The following ABCG1 variants were observed in gnomAD, a reference collection of about 807,000 sequenced individuals.
ABCG1 encodes ATP binding cassette subfamily G member 1, also known as ATP-binding cassette sub-family G member 1.
In ABCG1, 29 loss-of-function variants were observed where a neutral mutation model predicts 69.2. The observed-to-expected ratio is 0.42, with a 90% CI of 0.31 to 0.57. ABCG1 has a LOEUF of 0.57. ABCG1 is among the 20% of genes least tolerant of loss of function. ABCG1 has a pLI of 0.15. For synonymous variants in ABCG1, 370 were observed against 374.8 expected, an observed-to-expected ratio of 0.99 and a Z score of 0.15; for missense variants, 718 against 898.1, an observed-to-expected ratio of 0.80 and a Z score of 2.56.
intron 6 of ABCG1, 138 bp downstream of exon 6, chr21:42,282,557 T>C: frequency 2.0e-6 from 2 of 1,020,642 alleles, no homozygotes; most frequent in Non-Finnish European, 2.8e-6. Flanking sequence ...CCTCCTTCCA[T>C]CTGGGACCAC....
rs531974900 is a variant in ABCG1 at position 42,225,572 on chromosome 21, T to G, written c.43-99T>G. On this transcript the variant is annotated intron_variant, in intron 1 of 14. Transcript: ENST00000398449. ...TCCTGCAGTGGAAGAAGTGTTGCTATTAATAACCAATGACCCTGAGCCTCA... is the reference window on the plus strand; with the variant it reads ...TCCTGCAGTGGAAGAAGTGTTGCTAGTAATAACCAATGACCCTGAGCCTCA... 2,288 of 1,459,862 alleles carry G rather than the reference T, an allele frequency of 1.6e-3. 5 individuals carry two copies. Among genetic ancestry groups the G allele is most frequent in the Non-Finnish European group, 1.9e-3 (2,079 of 1,077,776 alleles). The allele number at this position is 1,459,862 out of a possible 1,614,324, so 90.4% of individuals were successfully genotyped here.
At chr21:42,206,587 C>T (rs950243660) in intron 2 of ABCG1, among the ~76,000 whole-genome samples, 2 of 151,898 alleles carry the variant, frequency 1.3e-5, no homozygotes, top group East Asian at 3.9e-4. Flanking sequence ...CTTCTATATC[C>T]TGGTACTACA....
At chr21:42,284,705 C>T (rs1414682381) in intron 7 of ABCG1, 22 bp downstream of exon 7, 1 of 1,609,766 alleles carries the variant, frequency 6.2e-7, no homozygotes. Context: ...CCGGGCCCTC[C>T]CCGCCAGATT....
intron 2 of ABCG1, chr21:42,259,575 G>A (rs1245399167): frequency 1.3e-5 from 20 of 1,482,980 alleles, no homozygotes; most frequent in Non-Finnish European, 1.6e-5. Flanking sequence ...AAATCGAGTG[G>A]CATTGCCTCT....
rs1291732827 is a variant in ABCG1 at position 42,219,255 on chromosome 21, C to G, written c.-8C>G. ...CGCCGCCGCCGCCGCCGCCGCCGCC[C>G]CCGGGGCATGGCCTGTCTGATGGCC... On this transcript the variant is annotated 5_prime_UTR_variant, in exon 1 of 15. Coordinates refer to ENST00000398449, the MANE Select transcript of ABCG1 (RefSeq NM_016818.3). This position sits in a 1 kb window ranked among gnomAD's most constrained non-coding sequence, Gnocchi z 5.3. 1.4e-5 allele frequency: 21 copies of G among 1,547,926 alleles called. No homozygotes were observed. Among genetic ancestry groups the G allele is most frequent in the Middle Eastern group, 1.7e-4 (1 of 5,914 alleles).
upstream of ABCG1, among the ~76,000 whole-genome samples, chr21:42,216,431 A>C (rs1292181455): frequency 4.6e-5 from 7 of 152,254 alleles, no homozygotes; most frequent in East Asian, 1.3e-3. Context: ...TTGGCTGGAC[A>C]CCCATGCCCA....
chr21:42,219,707 G>A lies in ABCG1; in HGVS notation c.42+403G>A. ...GAGGGAAGAGGGGACTTGAAGAAGG[G>A]GAGCCCCGCGCGCGCGGCTGTGGGC... is the stretch of plus-strand genomic sequence containing the variant. On this transcript the variant is annotated intron_variant, in intron 1 of 14. Transcript: ENST00000398449. The surrounding 1 kb of genome is among the most constrained non-coding windows in gnomAD (Gnocchi z 5.3). 1 of 941,022 alleles carries A rather than the reference G, an allele frequency of 1.1e-6. No individual in the cohort carries two copies. Among genetic ancestry groups the A allele is most frequent in the Non-Finnish European group, 1.5e-6 (1 of 663,498 alleles). The allele number at this position is 941,022 out of a possible 1,614,324, so 58.3% of individuals were successfully genotyped here.
chr21:42,248,956 A>T lies in ABCG1; in HGVS notation c.287-22114A>T, dbSNP rs143081453. Among the ~76,000 whole-genome samples the T allele has an allele frequency of 9.9e-3, 1,507 of 151,932 alleles. 13 individuals are homozygous for T. Among genetic ancestry groups the T allele is most frequent in the Non-Finnish European group, 0.018 (1,205 of 67,962 alleles). Reference sequence around the variant, plus strand: ...ACAAACTGTGATGGGTCCACAGTGGAATATTATACAGCCCAGAAAAGAAAT... The same window carrying T: ...ACAAACTGTGATGGGTCCACAGTGGTATATTATACAGCCCAGAAAAGAAAT... On this transcript the variant is annotated intron_variant, in intron 2 of 14. Coordinates refer to ENST00000398449, the MANE Select transcript of ABCG1 (RefSeq NM_016818.3).
At position 42,291,696 on chromosome 21, in the gene ABCG1, G is replaced by A; in HGVS notation, c.1653+40G>A. 2.6e-6 allele frequency: 4 copies of A among 1,549,134 alleles called. No individual in the cohort carries two copies. Among genetic ancestry groups the A allele is most frequent in the Non-Finnish European group, 3.5e-6 (4 of 1,152,622 alleles). On this transcript the variant is annotated intron_variant, in intron 13 of 14. Coordinates refer to ENST00000398449, the MANE Select transcript of ABCG1 (RefSeq NM_016818.3). The surrounding 1 kb of genome is among the most constrained non-coding windows in gnomAD (Gnocchi z 6.4). ...GGCGCTAAGTGAGGGCATGACGGCT[G>A]GGCTTCCCTGAGCTACCTTGGCCTG... is the stretch of plus-strand genomic sequence containing the variant.
At chr21:42,201,759 T>C in intron 2 of ABCG1, 2 of 1,613,328 alleles carry the variant, frequency 1.2e-6, no homozygotes, top group Non-Finnish European at 1.7e-6. Context: ...ATTTGGAAGC[T>C]AAAGCTCAGA....
intron 2 of ABCG1, among the ~76,000 whole-genome samples, chr21:42,232,266 T>C (rs1159711712): frequency 6.6e-6 from 1 of 152,252 alleles, no homozygotes; most frequent in Non-Finnish European, 1.5e-5. Context: ...ACAGGCTTCA[T>C]ATCCAAGGGG....
At position 42,291,256 on chromosome 21, in the gene ABCG1, C is replaced by T. The variant is rs1218294149; in HGVS notation, c.1494+64C>T. Reference sequence around the variant, plus strand: ...GAGTTCTCCTGTACACCCTTTATATCGAGTAAGAGGACCTGCCAGGGATGC... The same window carrying T: ...GAGTTCTCCTGTACACCCTTTATATTGAGTAAGAGGACCTGCCAGGGATGC... On this transcript the variant is annotated intron_variant, in intron 12 of 14. Transcript: ENST00000398449. This position sits in a 1 kb window ranked among gnomAD's most constrained non-coding sequence, Gnocchi z 6.4. 8.8e-6 allele frequency: 12 copies of T among 1,367,216 alleles called. No homozygotes were observed. The highest frequency in any genetic ancestry group is 1.4e-5 in the African/African-American group (1 of 70,084). The allele number at this position is 1,367,216 out of a possible 1,614,324, so 84.7% of individuals were successfully genotyped here. A position where few individuals can be genotyped will look rare whatever the true frequency, so the allele number is the denominator to read the frequency against.
chr21:42,246,614 T>C (rs2068137892), intron 2 of ABCG1, among the ~76,000 whole-genome samples: 1 of 152,272 alleles, frequency 6.6e-6, no homozygotes, highest in South Asian at 2.1e-4. Context: ...TATGAATATG[T>C]ATGTATTGAT....
chr21:42,282,464 C>A, intron 6 of ABCG1, 45 bp downstream of exon 6: 1 of 1,575,098 alleles, frequency 6.3e-7, no homozygotes, highest in Non-Finnish European at 8.7e-7. Flanking sequence ...CAGGAAGAAC[C>A]CCCTGTATTC....
At chr21:42,203,171 G>T (rs10084554) in intron 2 of ABCG1, among the ~76,000 whole-genome samples, 57,743 of 151,948 alleles carry the variant, frequency 0.38, 12,242 homozygotes, top group African/African-American at 0.57. Context: ...GTAGAACATT[G>T]GAGAATTTTG....
intron 2 of ABCG1, among the ~76,000 whole-genome samples, chr21:42,204,691 G>T (rs1203950121): frequency 6.6e-6 from 1 of 152,140 alleles, no homozygotes; most frequent in African/African-American, 2.4e-5. Context: ...CCATTGGTCT[G>T]CAGTGTAGTA....
At chr21:42,227,810 C>A (rs1369980491) in intron 2 of ABCG1, among the ~76,000 whole-genome samples, 1 of 151,988 alleles carries the variant, frequency 6.6e-6, no homozygotes, top group Non-Finnish European at 1.5e-5. Context: ...GGAAGCAAGG[C>A]ATGTCTTACA....
intron 2 of ABCG1, 142 bp downstream of exon 2, chr21:42,226,056 C>A: frequency 1.0e-6 from 1 of 981,100 alleles, no homozygotes; most frequent in Non-Finnish European, 1.5e-6. Flanking sequence ...TCAATTTATT[C>A]TATTGCTTTC....
intron 2 of ABCG1, among the ~76,000 whole-genome samples, chr21:42,208,596 G>A (rs889318369): frequency 3.3e-5 from 5 of 152,154 alleles, no homozygotes; most frequent in African/African-American, 7.2e-5. Context: ...AGCAGTGAAC[G>A]TGTGGAAAAG....
Sources: gnomAD v4.1 joint callset for allele counts (sites outside exome capture counted in the v4.1 genomes callset) on GRCh38, gnomAD v4.1.1 for gene constraint, Gnocchi (gnomAD v3.1) non-coding constraint, MANE v1.5 for transcripts, NCBI Gene and HGNC (gene_info 2026-07-23, HGNC 2026-07-21) for gene names.